Variants in DNAH6 observed in about 807,000 individuals in gnomAD.
The protein encoded by DNAH6 is dynein axonemal heavy chain 6, also known as axonemal beta dynein heavy chain 6.
In DNAH6, 340 loss-of-function variants were observed where a neutral mutation model predicts 491.4. That is an observed-to-expected ratio of 0.69 (90% confidence interval 0.63 to 0.76). The LOEUF is 0.76. Among genes scored for constraint, DNAH6 ranks in the 30% least tolerant of loss-of-function variants. DNAH6 has a pLI of 0.00. For missense variants in DNAH6, 4,443 were observed against 4,972.2 expected (o/e 0.89, Z 3.20); for synonymous variants, 1,603 against 1,686.1 (o/e 0.95, Z 1.21).
chr2:84,602,467 A>G (rs527406963), intron 18 of DNAH6, among the ~76,000 whole-genome samples: 16 of 95,266 alleles, frequency 1.7e-4, no homozygotes, highest in Non-Finnish European at 3.3e-4. Flanking sequence ...TCATTGTTCT[A>G]TAGATGTTGT....
intron 64 of DNAH6, among the ~76,000 whole-genome samples, chr2:84,769,998 A>G (rs979467501): frequency 1.3e-5 from 2 of 152,222 alleles, no homozygotes; most frequent in South Asian, 2.1e-4. Flanking sequence ...AGGCTAATGC[A>G]GATTTGTAAA....
At chr2:84,730,327 C>T (rs1411947069) in intron 61 of DNAH6, among the ~76,000 whole-genome samples, 9 of 152,300 alleles carry the variant, frequency 5.9e-5, no homozygotes, top group Middle Eastern at 3.4e-3. Flanking sequence ...AAGCCTCAAG[C>T]ATCTGCAGGT....
the DNAH6 span, among the ~76,000 whole-genome samples, chr2:84,505,929 G>T: frequency 6.6e-6 from 1 of 152,148 alleles, no homozygotes; most frequent in Non-Finnish European, 1.5e-5. Flanking sequence ...TGGTGTGTAT[G>T]TGCCACATTT....
At chr2:84,780,831 T>C (rs1046486458) in intron 64 of DNAH6, among the ~76,000 whole-genome samples, 5 of 152,214 alleles carry the variant, frequency 3.3e-5, no homozygotes, top group African/African-American at 1.2e-4. Flanking sequence ...TGGTGTATGT[T>C]GTGTATAGTT....
intron 15 of DNAH6, among the ~76,000 whole-genome samples, chr2:84,587,350 T>A (rs534828781): frequency 5.3e-5 from 8 of 152,242 alleles, no homozygotes; most frequent in African/African-American, 1.9e-4. Flanking sequence ...TTATCCAATC[T>A]GATACTGATT....
At chr2:84,802,925 T>C (rs1679066042) in intron 70 of DNAH6, among the ~76,000 whole-genome samples, 1 of 152,022 alleles carries the variant, frequency 6.6e-6, no homozygotes, top group South Asian at 2.1e-4. Context: ...ACCACACAAA[T>C]GCATGGAAAC....
At chr2:84,719,899 G>GACAC (rs1332177394) in intron 59 of DNAH6, among the ~76,000 whole-genome samples, 1 of 129,176 alleles carries the variant, frequency 7.7e-6, no homozygotes, top group Non-Finnish European at 1.7e-5. Flanking sequence ...CACACACACA[G>GACAC]ACACACACAC....
the DNAH6 span, among the ~76,000 whole-genome samples, chr2:84,479,191 G>A: frequency 3.7e-4 from 57 of 152,312 alleles, no homozygotes; most frequent in African/African-American, 1.3e-3. Context: ...GCACAGGATC[G>A]GGTTCAGGGC....
intron 47 of DNAH6, among the ~76,000 whole-genome samples, chr2:84,699,314 GGCCCTT>G (rs1224260248): frequency 3.9e-5 from 6 of 152,102 alleles, no homozygotes; most frequent in African/African-American, 1.4e-4. Flanking sequence ...TTGTATGAAT[GGCCCTT>G]TATTCAAAGG....
chr2:84,564,283 G>A (rs1405690117), intron 11 of DNAH6, among the ~76,000 whole-genome samples: 1 of 152,150 alleles, frequency 6.6e-6, no homozygotes, highest in East Asian at 1.9e-4. Flanking sequence ...AAATTGCTTT[G>A]GGCATTATGG....
At chr2:84,663,172 A>G (rs1174721067) in intron 37 of DNAH6, among the ~76,000 whole-genome samples, 1 of 152,246 alleles carries the variant, frequency 6.6e-6, no homozygotes, top group Non-Finnish European at 1.5e-5. Context: ...TCTAAAAATC[A>G]GAGCACCTCT....
At chr2:84,674,929 A>G in intron 40 of DNAH6, among the ~76,000 whole-genome samples, 1 of 152,144 alleles carries the variant, frequency 6.6e-6, no homozygotes, top group East Asian at 1.9e-4. Context: ...TGCTCCCTGC[A>G]CATGCCCCAC....
chr2:84,616,745 A>C (rs1002362266), intron 22 of DNAH6, 141 bp from the exon 23 acceptor site: 15 of 475,666 alleles, frequency 3.2e-5, no homozygotes, highest in Non-Finnish European at 5.2e-5. Flanking sequence ...GATAATTCAA[A>C]GCATATTTTT....
chr2:84,542,719 T>C (rs17025245), intron 4 of DNAH6, among the ~76,000 whole-genome samples: 3,470 of 152,314 alleles, frequency 0.023, 121 homozygotes, highest in African/African-American at 0.079. Context: ...AAACTAAAAA[T>C]GATTTATACC....
intron 47 of DNAH6, among the ~76,000 whole-genome samples, chr2:84,698,800 TGGTGGATTAGATATAGAAAAA>T (rs1239036108): frequency 2.0e-5 from 3 of 152,130 alleles, no homozygotes; most frequent in Admixed American, 2.0e-4. Flanking sequence ...TGCCCATCAG[TGGTGGATTAGATATAGAAAAA>T]GTGGTATGTG....
intron 76 of DNAH6, 27 bp downstream of exon 76, chr2:84,816,110 A>G (rs1680463942): frequency 6.7e-7 from 1 of 1,498,956 alleles, no homozygotes; most frequent in African/African-American, 1.4e-5. Flanking sequence ...GATTAGTTCA[A>G]ATAATGACCA....
At position 84,697,005 on chromosome 2, in the gene DNAH6, A is replaced by C. The variant is rs1341902594; in HGVS notation, c.7525-570A>C. On this transcript the variant is annotated intron_variant, in intron 46 of 76. Transcript: ENST00000389394. ...TTATATCTCCCAAATTAACAAAAAT[A>C]AATGTTAAAAATTGATGAAGTCACA... 2.0e-5 allele frequency among the ~76,000 whole-genome samples: 3 copies of C among 152,216 alleles called. No individual in the cohort carries two copies. The East Asian group carries it at 5.8e-4, about 29-fold the overall frequency.
intron 72 of DNAH6, among the ~76,000 whole-genome samples, chr2:84,810,194 A>G (rs1402476620): frequency 6.6e-6 from 1 of 152,134 alleles, no homozygotes; most frequent in African/African-American, 2.4e-5. Context: ...CCACCACTGT[A>G]TTCATTACAT....
chr2:84,587,966 C>T (rs951873691), intron 15 of DNAH6, among the ~76,000 whole-genome samples: 2 of 152,204 alleles, frequency 1.3e-5, no homozygotes, highest in African/African-American at 4.8e-5. Flanking sequence ...TGCTGCAATC[C>T]ATAATTTCTT....
Sources: allele counts gnomAD v4.1 joint callset (sites outside exome capture counted in the v4.1 genomes callset), GRCh38; gene constraint gnomAD v4.1.1; transcripts MANE v1.5; gene names NCBI Gene and HGNC (gene_info 2026-07-23, HGNC 2026-07-21).